AP2A1: variants seen among roughly 807,000 people sequenced by gnomAD.
AP2A1 encodes the protein AP-2 complex subunit alpha-1.
AP2A1 carries 21 observed loss-of-function variants against 107.3 expected under a neutral mutation model. The observed-to-expected ratio is 0.20, with a 90% confidence interval of 0.14 to 0.28. The LOEUF is 0.28. AP2A1 is among the 10% of genes least tolerant of loss of function. The probability of loss-of-function intolerance (pLI) is 1.00; values close to 1 mark genes in which losing one functional copy is unlikely to be tolerated. For synonymous variants in AP2A1, 602 were observed against 564.8 expected (o/e 1.07, Z -0.93); for missense variants, 873 against 1,307.7 (o/e 0.67, Z 5.13).
intron 4 of AP2A1, among the ~76,000 whole-genome samples, chr19:49,789,802 C>T (rs1316974468): frequency 6.6e-6 from 1 of 152,182 alleles, no homozygotes; most frequent in Non-Finnish European, 1.5e-5. Context: ...AACAGCCCAT[C>T]AGAGAGGGTC....
intron 10 of AP2A1, 54 bp downstream of exon 10, chr19:49,799,820 G>A: frequency 6.3e-7 from 1 of 1,585,188 alleles, no homozygotes; most frequent in Admixed American, 1.8e-5. Flanking sequence ...GGAGGTGGCT[G>A]GGGGCCTGGA....
intron 12 of AP2A1, 83 bp downstream of exon 12, chr19:49,801,141 C>T (rs1023613417): frequency 1.1e-5 from 15 of 1,332,246 alleles, no homozygotes; most frequent in Middle Eastern, 1.9e-4. Context: ...GGTCTCAGGG[C>T]AGGCAGTGAT....
chr19:49,791,852 T>C (rs530562602), intron 4 of AP2A1, 83 bp from the exon 5 acceptor site: 1 of 1,503,710 alleles, frequency 6.7e-7, no homozygotes, highest in South Asian at 1.2e-5. Context: ...ACACCCTTCC[T>C]GGGAGGAACA....
intron 1 of AP2A1, among the ~76,000 whole-genome samples, chr19:49,777,000 G>A (rs944078772): frequency 6.6e-6 from 1 of 151,852 alleles, no homozygotes; most frequent in African/African-American, 2.4e-5. Flanking sequence ...AGGCTGAGGC[G>A]GGTGGATCAC....
chr19:49,789,617 C>T, intron 4 of AP2A1, among the ~76,000 whole-genome samples: 1 of 119,752 alleles, frequency 8.4e-6, no homozygotes, highest in South Asian at 2.8e-4. Context: ...TTTGTAGAGA[C>T]AGGGTTTTAC....
chr19:49,777,495 C>T (rs2084628377), intron 1 of AP2A1, among the ~76,000 whole-genome samples: 2 of 150,110 alleles, frequency 1.3e-5, no homozygotes, highest in South Asian at 4.2e-4. Flanking sequence ...ATTAGCCAGG[C>T]ATGGTGGCGG....
At chr19:49,769,637 G>A (rs2084537431) in intron 1 of AP2A1, among the ~76,000 whole-genome samples, 1 of 152,280 alleles carries the variant, frequency 6.6e-6, no homozygotes, top group Non-Finnish European at 1.5e-5. Flanking sequence ...GAACAGGATC[G>A]GGAAAGGCTT....
At position 49,799,819 on chromosome 19, in the gene AP2A1, T is replaced by TG. The variant is rs1450198780; in HGVS notation, c.1272+58dup. On this transcript the variant is annotated intron_variant, in intron 10 of 22. Coordinates refer to ENST00000354293, the MANE Select transcript of AP2A1 (RefSeq NM_130787.3). ...TCTTGGGTCTGAGGCAGGAGGTGGC[T>TG]GGGGGCCTGGATTCCTAAGTCTAAG... 3.8e-6 allele frequency: 6 copies of TG among 1,585,332 alleles called. No individual in the cohort carries two copies. In the Admixed American group the frequency reaches 1.1e-4, roughly 29 times the overall value.
chr19:49,792,731 G>A (rs532297765), intron 5 of AP2A1, among the ~76,000 whole-genome samples: 1 of 152,082 alleles, frequency 6.6e-6, no homozygotes, highest in African/African-American at 2.4e-5. Context: ...CTAGAGTCTC[G>A]CCCCTTCACT....
chr19:49,768,245 T>C (rs1674139), intron 1 of AP2A1, among the ~76,000 whole-genome samples: 77,395 of 151,798 alleles, frequency 0.51, 19,899 homozygotes, highest in East Asian at 0.56. Flanking sequence ...ATGGGAATCC[T>C]GGCGGCAAGT....
intron 4 of AP2A1, among the ~76,000 whole-genome samples, chr19:49,791,656 C>T (rs376280093): frequency 2.6e-5 from 4 of 152,222 alleles, no homozygotes; most frequent in African/African-American, 9.7e-5. Context: ...ACCCCATGGG[C>T]ACCCAGTAGG....
rs186690638 is a variant in AP2A1, at chr19:49,807,069, A to G, written c.*311A>G. 2.0e-3 allele frequency: 2,585 copies of G among 1,283,212 alleles called. 2 individuals are homozygous for G. The highest frequency in any genetic ancestry group is 2.5e-3 in the Non-Finnish European group (2,480 of 984,316). The allele number at this position is 1,283,212 out of a possible 1,614,324, so 79.5% of individuals were successfully genotyped here. On this transcript the variant is annotated 3_prime_UTR_variant, in exon 23 of 23. Transcript: ENST00000354293. ...AGCCCCTCCTACCCCCTCCCCATCC[A>G]GGGGCTGTGTATTATTGTGAGCGAA... is the stretch of plus-strand genomic sequence containing the variant.
At chr19:49,781,364 G>A (rs2084672400) in intron 1 of AP2A1, among the ~76,000 whole-genome samples, 1 of 152,074 alleles carries the variant, frequency 6.6e-6, no homozygotes, top group Non-Finnish European at 1.5e-5. Context: ...CAGTGGTAGG[G>A]GTGAGCACCC....
chr19:49,778,433 A>C (rs887630837), intron 1 of AP2A1, among the ~76,000 whole-genome samples: 22 of 152,190 alleles, frequency 1.4e-4, no homozygotes, highest in African/African-American at 5.3e-4. Flanking sequence ...AAATACACTA[A>C]TTAGCTGGGT....
At chr19:49,784,722 T>C (rs2123700722) in intron 4 of AP2A1, among the ~76,000 whole-genome samples, 1 of 151,868 alleles carries the variant, frequency 6.6e-6, no homozygotes, top group South Asian at 2.1e-4. Flanking sequence ...AACTAAAATA[T>C]TAGCCGGGTG....
rs528432300 is a variant in AP2A1 at position 49,787,361 on chromosome 19, T to G, written c.474-4574T>G. Among the ~76,000 whole-genome samples the G allele has an allele frequency of 4.4e-3, 612 of 138,830 alleles. 11 individuals carry two copies. Among genetic ancestry groups the G allele is most frequent in the Non-Finnish European group, 7.0e-3 (460 of 65,514 alleles). 91.1% of individuals were successfully genotyped at this position (138,830 alleles called of 152,430 possible). ...TTGTTTTTTTTGTTTTTTGTTTTTT[T>G]TTTTTTGAGGCAGTCTCTCTCTGTC... On this transcript the variant is annotated intron_variant, in intron 4 of 22. Transcript: ENST00000354293.
At chr19:49,779,487 C>CAAAAAAAAAAAAAAAAAAAAAAAA (rs370114853) in intron 1 of AP2A1, among the ~76,000 whole-genome samples, 1 of 83,976 alleles carries the variant, frequency 1.2e-5, no homozygotes. Context: ...GCCTGGGCTA[C>CAAAAAAAAAAAAAAAAAAAAAAAA]AAAAAAAAAA....
chr19:49,806,682 T>G lies in AP2A1; in HGVS notation c.2792T>G (p.Met931Arg). The G allele has an allele frequency of 3.1e-6, 5 of 1,612,748 alleles. No individual in the cohort carries two copies. The highest frequency in any genetic ancestry group is 4.2e-6 in the Non-Finnish European group (5 of 1,179,738). Residue 931 changes from methionine to arginine, a missense_variant and splice_region_variant, in exon 23 of 23, where the codon ATG becomes AGG. Physicochemically the swap from Met to Arg is moderately conservative, Grantham distance 91. Transcript: ENST00000354293. ...LRLEPNAQAQ[M>R]YRLTLRTSKE... ...TCTGCCCCCAATGCCCCCACCCAGA[T>G]GTACCGGCTGACCCTGCGCACCAGC...
chr19:49,776,105 G>A (rs930742369), intron 1 of AP2A1, among the ~76,000 whole-genome samples: 1 of 152,064 alleles, frequency 6.6e-6, no homozygotes, highest in Non-Finnish European at 1.5e-5. Flanking sequence ...GACGGAGCAC[G>A]GCCTGCCCCT....
Sources: gnomAD v4.1 joint callset for allele counts (sites outside exome capture counted in the v4.1 genomes callset) on GRCh38, gnomAD v4.1.1 for gene constraint, MANE v1.5 for transcripts, NCBI Gene and HGNC (gene_info 2026-07-23, HGNC 2026-07-21) for gene names.